Variants in CACNB2 observed in about 807,000 individuals in gnomAD.
CACNB2 encodes voltage-dependent L-type calcium channel subunit beta-2.
Under a neutral mutation model 73.3 loss-of-function variants are expected in CACNB2, and 42 were observed. The observed-to-expected ratio is 0.57, with a 90% CI of 0.45 to 0.74. The LOEUF (loss-of-function observed/expected upper bound fraction) is 0.74. CACNB2 is among the 30% of genes least tolerant of loss of function. The pLI is 0.00. For missense variants in CACNB2, 940 were observed against 853.0 expected, an observed-to-expected ratio of 1.10 and a Z score of -1.27; for synonymous variants, 348 against 310.3, an observed-to-expected ratio of 1.12 and a Z score of -1.28.
At chr10:18,155,690 A>G (rs918673619) in intron 2 of CACNB2, among the ~76,000 whole-genome samples, 31 of 152,242 alleles carry the variant, frequency 2.0e-4, no homozygotes, top group Non-Finnish European at 3.1e-4. Flanking sequence ...TGATGGTTTC[A>G]GTTGTCTTAC....
chr10:18,226,940 G>A (rs1483261692), intron 2 of CACNB2, among the ~76,000 whole-genome samples: 1 of 152,124 alleles, frequency 6.6e-6, no homozygotes, highest in East Asian at 1.9e-4. Flanking sequence ...AGTGGGGGAG[G>A]AGGGAGCGAG....
At chr10:18,414,481 AC>A (rs1393345084) in intron 3 of CACNB2, among the ~76,000 whole-genome samples, 2 of 110,300 alleles carry the variant, frequency 1.8e-5, no homozygotes, top group Non-Finnish European at 3.6e-5. Flanking sequence ...TGTTACTACT[AC>A]CTTTTTTTTT....
At chr10:18,189,788 G>C (rs2034315046) in intron 2 of CACNB2, among the ~76,000 whole-genome samples, 1 of 152,104 alleles carries the variant, frequency 6.6e-6, no homozygotes, top group South Asian at 2.1e-4. Context: ...TTTCCTCCTA[G>C]AACACTGGAC....
intron 2 of CACNB2, among the ~76,000 whole-genome samples, chr10:18,160,453 C>T (rs2032375954): frequency 6.6e-6 from 1 of 152,002 alleles, no homozygotes; most frequent in South Asian, 2.1e-4. Flanking sequence ...CATTTTTATT[C>T]ATCTTCTGTT....
intron 3 of CACNB2, among the ~76,000 whole-genome samples, chr10:18,450,295 A>T (rs564060205): frequency 6.6e-6 from 1 of 152,230 alleles, no homozygotes; most frequent in East Asian, 1.9e-4. Flanking sequence ...ACAGGCATGC[A>T]TTAAGTAGGG....
At chr10:18,309,205 A>G (rs559630011) in intron 2 of CACNB2, among the ~76,000 whole-genome samples, 1 of 152,352 alleles carries the variant, frequency 6.6e-6, no homozygotes, top group South Asian at 2.1e-4. Context: ...TAAAGGTAGC[A>G]GGAAAAGTGA....
intron 2 of CACNB2, among the ~76,000 whole-genome samples, chr10:18,296,388 T>G (rs2039282607): frequency 6.6e-6 from 1 of 152,166 alleles, no homozygotes; most frequent in South Asian, 2.1e-4. Flanking sequence ...TGTCTGGTGA[T>G]ACAGATACGC....
intron 9 of CACNB2, among the ~76,000 whole-genome samples, chr10:18,523,235 T>A (rs1241556530): frequency 6.6e-6 from 1 of 152,068 alleles, no homozygotes; most frequent in African/African-American, 2.4e-5. Flanking sequence ...CTAAAAAAAA[T>A]TCTGCTAACA....
intron 2 of CACNB2, among the ~76,000 whole-genome samples, chr10:18,252,596 A>G (rs1219753519): frequency 6.6e-6 from 1 of 152,162 alleles, no homozygotes; most frequent in East Asian, 1.9e-4. Flanking sequence ...TTATCCTTGT[A>G]AATTGCCTTA....
chr10:18,470,289 T>A (rs926478173), intron 3 of CACNB2, among the ~76,000 whole-genome samples: 4 of 149,528 alleles, frequency 2.7e-5, no homozygotes, highest in African/African-American at 9.8e-5. Flanking sequence ...GAGTTTGAGG[T>A]TGGCCTGGCC....
intron 2 of CACNB2, among the ~76,000 whole-genome samples, chr10:18,285,939 T>C (rs541957971): frequency 2.6e-5 from 4 of 152,318 alleles, no homozygotes; most frequent in Admixed American, 1.3e-4. Flanking sequence ...CTTTTATTAT[T>C]AAGTGAATAA....
rs1426735043 is a variant in CACNB2 at position 18,541,463 on chromosome 10, G to A, written c.*1739G>A. ...ATATTTTGTCCAGTTATAACTGGAT[G>A]GTAAGACAGTATTAAGAGTGCAAGT... On this transcript the variant is annotated 3_prime_UTR_variant, in exon 14 of 14. Coordinates refer to ENST00000324631, the MANE Select transcript of CACNB2 (RefSeq NM_201596.3). 1.3e-5 allele frequency: 2 copies of A among 152,142 alleles called. No individual in the cohort carries two copies. Among genetic ancestry groups the A allele is most frequent in the Non-Finnish European group, 2.9e-5 (2 of 68,040 alleles). 9.4% of individuals were successfully genotyped at this position (152,142 alleles called of 1,614,324 possible).
In CACNB2 at chr10:18,380,815, C is replaced by T. The variant is rs373094618; in HGVS notation, c.214-21109C>T. On this transcript the variant is annotated intron_variant, in intron 2 of 13. Transcript: ENST00000324631. Reference sequence around the variant, plus strand: ...ATGCATCATAATATTCTTAATTTTTCAGCGCATTAAAGAAAAGATGAATAG... The same window carrying T: ...ATGCATCATAATATTCTTAATTTTTTAGCGCATTAAAGAAAAGATGAATAG... Among the ~76,000 whole-genome samples the T allele has an allele frequency of 1.1e-4, 17 of 152,082 alleles. No individual in the cohort carries two copies. In the South Asian group the frequency reaches 1.5e-3, roughly 13 times the overall value.
intron 2 of CACNB2, among the ~76,000 whole-genome samples, chr10:18,210,067 G>T (rs2035255828): frequency 6.6e-6 from 1 of 152,202 alleles, no homozygotes; most frequent in Non-Finnish European, 1.5e-5. Context: ...TGAGTTACAG[G>T]AGGAGGGAAT....
intron 2 of CACNB2, among the ~76,000 whole-genome samples, chr10:18,177,056 C>G (rs187181383): frequency 2.6e-5 from 4 of 152,102 alleles, no homozygotes. Context: ...GTAGCCTCAA[C>G]CCTAAACCCT....
chr10:18,386,381 G>A (rs985596758), intron 2 of CACNB2, among the ~76,000 whole-genome samples: 4 of 146,472 alleles, frequency 2.7e-5, no homozygotes, highest in Non-Finnish European at 6.0e-5. Flanking sequence ...CAACTTTACT[G>A]TTGCTCTTTT....
At position 18,538,302 on chromosome 10, in the gene CACNB2, C is replaced by A; in HGVS notation, c.1425C>A (p.Leu475=). ...CCAGCAGTAGCCTCCCCAACCCTCT[C>A]CTTAGCCGTACATTAGCCACTTCAA... ...HPPSSSLPNP[L]LSRTLATSSL... The change falls in exon 13 of 14, where the codon CTC becomes CTA. Residue 475 remains leucine, a synonymous_variant. Transcript: ENST00000324631. The A allele has an allele frequency of 1.2e-6, 2 of 1,614,200 alleles. No homozygotes were observed. The highest frequency in any genetic ancestry group is 1.7e-6 in the Non-Finnish European group (2 of 1,180,018).
intron 3 of CACNB2, among the ~76,000 whole-genome samples, chr10:18,462,099 G>C (rs1239461583): frequency 2.0e-5 from 3 of 152,172 alleles, no homozygotes; most frequent in Non-Finnish European, 4.4e-5. Flanking sequence ...TCTTGCATGA[G>C]ATTCCCAGCA....
rs967246903 is a variant in CACNB2 at position 18,502,719 on chromosome 10, A to T, written c.593+1771A>T. 4.9e-5 allele frequency among the ~76,000 whole-genome samples: 7 copies of T among 143,818 alleles called. No individual in the cohort carries two copies. In the South Asian group the frequency reaches 1.5e-3, roughly 31 times the overall value. The allele number at this position is 143,818 out of a possible 152,430, so 94.4% of individuals were successfully genotyped here. A position where few individuals can be genotyped will look rare whatever the true frequency, so the allele number is the denominator to read the frequency against. On this transcript the variant is annotated intron_variant, in intron 5 of 13. Coordinates refer to ENST00000324631, the MANE Select transcript of CACNB2 (RefSeq NM_201596.3). ...AAAAAAAAAAAAAAAAAAAAAAAAA[A>T]AAAAACCGCATGTTTTTACTTATAA...
Sources: allele counts gnomAD v4.1 joint callset (sites outside exome capture counted in the v4.1 genomes callset), GRCh38; gene constraint gnomAD v4.1.1; transcripts MANE v1.5; gene names NCBI Gene and HGNC (gene_info 2026-07-23, HGNC 2026-07-21).